Variants in KLHL18 observed in about 807,000 individuals in gnomAD.
KLHL18 encodes the protein kelch-like protein 18.
A neutral mutation model predicts 58.5 loss-of-function variants in KLHL18; 38 were observed. The ratio of observed to expected loss-of-function variants is 0.65; its 90% CI spans 0.50 to 0.85. KLHL18 has a LOEUF of 0.85. KLHL18 is among the 40% of genes least tolerant of loss of function. KLHL18 has a pLI of 0.00. For missense variants in KLHL18, 624 were observed against 778.4 expected, an observed-to-expected ratio of 0.80 and a Z score of 2.36; for synonymous variants, 303 against 301.9, an observed-to-expected ratio of 1.00 and a Z score of -0.04.
At chr3:47,338,715 G>C (rs1168582798) in intron 7 of KLHL18, 1 of 152,218 alleles carries the variant, frequency 6.6e-6, no homozygotes, top group East Asian at 1.9e-4. Context: ...CCAGCTACTT[G>C]GGAGGCTAAG....
At chr3:47,314,643 A>T (rs115787094) in intron 1 of KLHL18, among the ~76,000 whole-genome samples, 174 of 152,254 alleles carry the variant, frequency 1.1e-3, no homozygotes, top group African/African-American at 4.1e-3. Context: ...CTTAGCTCTT[A>T]TTCTTTATGA....
rs535898185 is a variant in KLHL18, at chr3:47,302,818, A to G, written c.130-16835A>G. ...TTGTTTTAGTTTCAGTGCCCGTATC[A>G]TAGAAGAGTCCATGTCATAAAAGAA... On this transcript the variant is annotated intron_variant, in intron 1 of 9. Coordinates refer to ENST00000232766, the MANE Select transcript of KLHL18 (RefSeq NM_025010.5). 9.2e-5 allele frequency among the ~76,000 whole-genome samples: 14 copies of G among 152,362 alleles called. No individual in the cohort carries two copies. The East Asian group carries it at 2.5e-3, about 27-fold the overall frequency.
intron 8 of KLHL18, 33 bp from the exon 9 acceptor site, chr3:47,342,686 T>C: frequency 6.3e-7 from 1 of 1,575,138 alleles, no homozygotes; most frequent in South Asian, 1.1e-5. Context: ...CTGAATCTCA[T>C]GCTTCCCCTC....
chr3:47,283,061 G>A lies in KLHL18; in HGVS notation c.96G>A (p.Arg32=). ...SRGYGVMEEI[R]RQGKLCDVTL... is the part of the protein sequence containing the mutation. Reference sequence around the variant, plus strand: ...GCTACGGCGTCATGGAGGAGATCCGGCGGCAGGGCAAGCTGTGCGACGTGA... The same window carrying A: ...GCTACGGCGTCATGGAGGAGATCCGACGGCAGGGCAAGCTGTGCGACGTGA... The change falls in exon 1 of 10, where the codon CGG becomes CGA. Residue 32 remains arginine, a synonymous_variant. Coordinates refer to ENST00000232766, the MANE Select transcript of KLHL18 (RefSeq NM_025010.5). 6.3e-7 allele frequency: 1 copy of A among 1,594,240 alleles called. No homozygotes were observed. Among genetic ancestry groups the A allele is most frequent in the Non-Finnish European group, 8.5e-7 (1 of 1,170,838 alleles).
rs60054745 is a variant in KLHL18, at chr3:47,321,641, C to T, written c.261-927C>T. Among the ~76,000 whole-genome samples, 279 of 152,290 alleles carry T rather than the reference C, an allele frequency of 1.8e-3. 2 individuals are homozygous for T. Among genetic ancestry groups the T allele is most frequent in the African/African-American group, 6.3e-3 (264 of 41,576 alleles). On this transcript the variant is annotated intron_variant, in intron 2 of 9. Transcript: ENST00000232766. ...CTGGGATTACAGGCGTGAGCCACTG[C>T]GCCCGGCTTCTGCCAGCTTTCTAGT...
chr3:47,336,538 AT>A lies in KLHL18; in HGVS notation c.904del (p.Ser302ProfsTer2). 6.2e-7 allele frequency: 1 copy of A among 1,611,804 alleles called. No individual in the cohort carries two copies. Among genetic ancestry groups the A allele is most frequent in the Non-Finnish European group, 8.5e-7 (1 of 1,177,924 alleles). On this transcript the variant is annotated frameshift_variant, in exon 7 of 10. Transcript: ENST00000232766. LOFTEE classifies it high-confidence loss of function. ...TGAGTAGCAAATTTTTATGCAGGTGATTCCCTGAATGTGGTGGAAGTGTTCG... is the reference window on the plus strand; with the variant it reads ...TGAGTAGCAAATTTTTATGCAGGTGATCCCTGAATGTGGTGGAAGTGTTCG... The part of the protein sequence containing the change: ...YAVGGLNSAG[D>X]SLNVVEVFDP...
chr3:47,326,197 C>G (rs1703717579), intron 3 of KLHL18, among the ~76,000 whole-genome samples: 1 of 152,150 alleles, frequency 6.6e-6, no homozygotes, highest in African/African-American at 2.4e-5. Context: ...ATCTGCCCAC[C>G]TCGGCCTCCC....
intron 1 of KLHL18, among the ~76,000 whole-genome samples, chr3:47,288,005 G>A (rs924859802): frequency 3.3e-5 from 5 of 151,896 alleles, no homozygotes; most frequent in African/African-American, 9.7e-5. Context: ...GGCAGATCAC[G>A]AGATCAAGAG....
intron 4 of KLHL18, 117 bp downstream of exon 4, chr3:47,330,266 T>C: frequency 3.4e-6 from 3 of 872,924 alleles, no homozygotes; most frequent in Non-Finnish European, 5.4e-6. Context: ...GTGGCTGTTG[T>C]ATATTATTGG....
chr3:47,346,138 T>A lies in KLHL18; in HGVS notation c.*2197T>A, dbSNP rs1454748577. 6.6e-6 allele frequency: 1 copy of A among 152,568 alleles called. No homozygotes were observed. Among genetic ancestry groups the A allele is most frequent in the African/African-American group, 2.4e-5 (1 of 41,424 alleles). The allele number at this position is 152,568 out of a possible 1,614,324, so 9.5% of individuals were successfully genotyped here. On this transcript the variant is annotated 3_prime_UTR_variant, in exon 10 of 10. Transcript: ENST00000232766. Reference sequence around the variant, plus strand: ...GCCTGGATTGTGAAGGTATTAAGAATCGGTCTGTGGGCTACTGAGTGGGTC... The same window carrying A: ...GCCTGGATTGTGAAGGTATTAAGAAACGGTCTGTGGGCTACTGAGTGGGTC...
chr3:47,311,154 C>T (rs1192680433), intron 1 of KLHL18, among the ~76,000 whole-genome samples: 2 of 152,000 alleles, frequency 1.3e-5, no homozygotes, highest in Non-Finnish European at 2.9e-5. Context: ...GGACTACAGG[C>T]GCCCACCGCT....
intron 3 of KLHL18, among the ~76,000 whole-genome samples, chr3:47,326,105 A>T (rs1320979001): frequency 6.6e-6 from 1 of 151,886 alleles, no homozygotes. Context: ...GTGCCACCAC[A>T]CCCAGCTAAT....
chr3:47,326,107 C>T (rs1233182669), intron 3 of KLHL18, among the ~76,000 whole-genome samples: 1 of 152,036 alleles, frequency 6.6e-6, no homozygotes, highest in Admixed American at 6.6e-5. Context: ...GCCACCACAC[C>T]CAGCTAATTT....
chr3:47,299,551 G>A (rs993631803), intron 1 of KLHL18, among the ~76,000 whole-genome samples: 48 of 151,878 alleles, frequency 3.2e-4, no homozygotes, highest in South Asian at 2.1e-4. Context: ...TAGGCTGGGC[G>A]CAGTGGCTCA....
intron 1 of KLHL18, among the ~76,000 whole-genome samples, chr3:47,317,080 C>G (rs984363058): frequency 2.0e-5 from 3 of 152,086 alleles, no homozygotes; most frequent in Admixed American, 1.3e-4. Context: ...AGACATTGTA[C>G]ATAGACCCCT....
rs186571137 is a variant in KLHL18, at chr3:47,333,430, A to G, written c.761+113A>G. ...GCATTTAGAGTGATCAGTCTAATTCATGGCACACAGATTGGTCTGCCCTCT... is the reference window on the plus strand; with the variant it reads ...GCATTTAGAGTGATCAGTCTAATTCGTGGCACACAGATTGGTCTGCCCTCT... On this transcript the variant is annotated intron_variant, in intron 5 of 9. Coordinates refer to ENST00000232766, the MANE Select transcript of KLHL18 (RefSeq NM_025010.5). 1.2e-4 allele frequency: 129 copies of G among 1,043,072 alleles called. No individual in the cohort carries two copies. The African/African-American group carries it at 1.8e-3, about 14-fold the overall frequency. The allele number at this position is 1,043,072 out of a possible 1,614,324, so 64.6% of individuals were successfully genotyped here. A position where few individuals can be genotyped will look rare whatever the true frequency, so the allele number is the denominator to read the frequency against.
At chr3:47,297,522 C>G in intron 1 of KLHL18, 1 of 456,576 alleles carries the variant, frequency 2.2e-6, no homozygotes, top group South Asian at 1.5e-5. Flanking sequence ...ACAAATTGAC[C>G]CTAAGCCTCA....
chr3:47,343,065 G>C (rs1704145194), intron 9 of KLHL18, among the ~76,000 whole-genome samples: 1 of 152,202 alleles, frequency 6.6e-6, no homozygotes, highest in African/African-American at 2.4e-5. Context: ...CTGTTCTACT[G>C]TCTGTTGAAC....
At chr3:47,284,517 A>G (rs1702620113) in intron 1 of KLHL18, among the ~76,000 whole-genome samples, 1 of 151,358 alleles carries the variant, frequency 6.6e-6, no homozygotes, top group Admixed American at 6.6e-5. Context: ...TTCTATTTTT[A>G]GTAGAGACAG....
Sources: gnomAD v4.1 joint callset for allele counts (sites outside exome capture counted in the v4.1 genomes callset) on GRCh38, gnomAD v4.1.1 for gene constraint, MANE v1.5 for transcripts, NCBI Gene and HGNC (gene_info 2026-07-23, HGNC 2026-07-21) for gene names.